The following KCTD16 variants were observed in gnomAD, a reference collection of about 807,000 sequenced individuals.
The protein encoded by KCTD16 is BTB/POZ domain-containing protein KCTD16.
In KCTD16, 13 loss-of-function variants were observed where a neutral mutation model predicts 33.2. The observed-to-expected ratio is 0.39, with a 90% CI of 0.25 to 0.62. The LOEUF (loss-of-function observed/expected upper bound fraction) is 0.62, where lower values mean the gene tolerates loss of function less well. Among genes scored for constraint, KCTD16 ranks in the 20% least tolerant of loss-of-function variants. The pLI, the probability that KCTD16 is intolerant of heterozygous loss-of-function variation, is 0.50. For synonymous variants in KCTD16, 197 were observed against 195.3 expected (o/e 1.01, Z -0.07); for missense variants, 441 against 525.1 (o/e 0.84, Z 1.57).
At chr5:144,275,461 GC>G (rs1346508534) in intron 3 of KCTD16, among the ~76,000 whole-genome samples, 1 of 152,106 alleles carries the variant, frequency 6.6e-6, no homozygotes, top group African/African-American at 2.4e-5. Context: ...ATGCTGCCTT[GC>G]CCTATTTACA....
At chr5:144,306,881 A>G (rs1426697115) in intron 3 of KCTD16, among the ~76,000 whole-genome samples, 1 of 152,224 alleles carries the variant, frequency 6.6e-6, no homozygotes, top group African/African-American at 2.4e-5. Flanking sequence ...CTGTGGGACA[A>G]CACGTTCAAG....
At chr5:144,469,368 G>A (rs564118212) in intron 3 of KCTD16, among the ~76,000 whole-genome samples, 3 of 152,122 alleles carry the variant, frequency 2.0e-5, no homozygotes, top group Non-Finnish European at 2.9e-5. Flanking sequence ...ATTTTCCTGA[G>A]GCATCCAGCT....
chr5:144,409,155 C>T (rs1752877726), intron 3 of KCTD16, among the ~76,000 whole-genome samples: 1 of 152,202 alleles, frequency 6.6e-6, no homozygotes, highest in Admixed American at 6.5e-5. Flanking sequence ...TGTTCTGTTT[C>T]ATCCTTTCCA....
intron 2 of KCTD16, among the ~76,000 whole-genome samples, chr5:144,193,867 A>G (rs748825474): frequency 5.3e-5 from 8 of 152,182 alleles, no homozygotes; most frequent in Non-Finnish European, 1.0e-4. Flanking sequence ...TTGGGTGCCA[A>G]TGGAAAGGGA....
intron 3 of KCTD16, among the ~76,000 whole-genome samples, chr5:144,313,390 C>T (rs774910291): frequency 2.0e-5 from 3 of 152,264 alleles, no homozygotes; most frequent in Middle Eastern, 3.4e-3. Flanking sequence ...TAGATGAGCA[C>T]TTTCACTGTG....
Position 144,304,771 on chromosome 5 carries a change from G to C in KCTD16, c.832+97225G>C, listed in dbSNP as rs537795032. ...TAGAGAAAAGGCAAGTGATTGATCT[G>C]TTTGTCCTGAAGGTAAGGAGGGACT... On this transcript the variant is annotated intron_variant, in intron 3 of 3. Transcript: ENST00000512467. Among the ~76,000 whole-genome samples, 15 of 152,214 alleles carry C rather than the reference G, an allele frequency of 9.9e-5. No individual in the cohort carries two copies. In the South Asian group the frequency reaches 3.1e-3, roughly 32 times the overall value.
chr5:144,454,496 G>C (rs1386465097), intron 3 of KCTD16, among the ~76,000 whole-genome samples: 1 of 150,584 alleles, frequency 6.6e-6, no homozygotes, highest in African/African-American at 2.5e-5. Flanking sequence ...ATTATAAATT[G>C]GCCACATTTC....
chr5:144,387,259 G>A (rs574406138), intron 3 of KCTD16, among the ~76,000 whole-genome samples: 1 of 149,960 alleles, frequency 6.7e-6, no homozygotes, highest in South Asian at 2.1e-4. Flanking sequence ...TTACAGGCAT[G>A]AGCCACTGTG....
At chr5:144,301,963 C>T (rs972007457) in intron 3 of KCTD16, among the ~76,000 whole-genome samples, 2 of 152,188 alleles carry the variant, frequency 1.3e-5, no homozygotes, top group Non-Finnish European at 2.9e-5. Flanking sequence ...GTGGCAGTCA[C>T]TCTTCTAAAT....
intron 3 of KCTD16, among the ~76,000 whole-genome samples, chr5:144,433,126 G>A (rs763249158): frequency 3.4e-4 from 52 of 152,098 alleles, no homozygotes; most frequent in African/African-American, 1.0e-3. Flanking sequence ...ATCACAAACC[G>A]AAATACCTAC....
intron 3 of KCTD16, among the ~76,000 whole-genome samples, chr5:144,347,955 G>T (rs965708295): frequency 4.6e-5 from 7 of 152,140 alleles, no homozygotes; most frequent in Non-Finnish European, 7.3e-5. Context: ...GCCTCCAGCC[G>T]CATTCTTTTA....
intron 3 of KCTD16, among the ~76,000 whole-genome samples, chr5:144,218,673 A>G (rs1753637781): frequency 6.6e-6 from 1 of 152,142 alleles, no homozygotes; most frequent in Non-Finnish European, 1.5e-5. Flanking sequence ...TTATATTTCT[A>G]GTCTCCTTTT....
intron 3 of KCTD16, among the ~76,000 whole-genome samples, chr5:144,431,891 A>C (rs1753472233): frequency 6.6e-6 from 1 of 152,192 alleles, no homozygotes; most frequent in African/African-American, 2.4e-5. Context: ...ATAATATAAA[A>C]AGTAATGGAA....
At position 144,215,248 on chromosome 5, in the gene KCTD16, G is replaced by C. The variant is rs1020424440; in HGVS notation, c.832+7702G>C. The stretch of plus-strand genomic sequence containing the variant: ...GACTCCTGTGGTCTCCTTTTAGTTG[G>C]TTCATCCAAGCAGGAGTAAATTGAA... On this transcript the variant is annotated intron_variant, in intron 3 of 3. Transcript: ENST00000512467. Among the ~76,000 whole-genome samples the C allele has an allele frequency of 1.5e-3, 221 of 152,166 alleles. 2 individuals carry two copies. The highest frequency in any genetic ancestry group is 4.9e-3 in the African/African-American group (203 of 41,508).
At chr5:144,287,331 C>T (rs1755771941) in intron 3 of KCTD16, among the ~76,000 whole-genome samples, 1 of 95,996 alleles carries the variant, frequency 1.0e-5, no homozygotes, top group Non-Finnish European at 2.7e-5. Context: ...GACACCAGTT[C>T]AAATGCTGCT....
intron 3 of KCTD16, among the ~76,000 whole-genome samples, chr5:144,350,755 C>G (rs977449170): frequency 6.7e-6 from 1 of 150,266 alleles, no homozygotes; most frequent in African/African-American, 2.5e-5. Flanking sequence ...TTCAGGTAAC[C>G]CTGCATTGGT....
At chr5:144,394,758 GA>G (rs1752528145) in intron 3 of KCTD16, among the ~76,000 whole-genome samples, 1 of 152,194 alleles carries the variant, frequency 6.6e-6, no homozygotes, top group Non-Finnish European at 1.5e-5. Flanking sequence ...ACCATGTGAA[GA>G]AGGTCTTTGC....
At chr5:144,378,286 C>T (rs1285232727) in intron 3 of KCTD16, among the ~76,000 whole-genome samples, 2 of 152,080 alleles carry the variant, frequency 1.3e-5, no homozygotes, top group East Asian at 1.9e-4. Context: ...ATTCCAGACA[C>T]AGAGATGAAA....
At chr5:144,334,950 T>A (rs577118590) in intron 3 of KCTD16, among the ~76,000 whole-genome samples, 1 of 152,160 alleles carries the variant, frequency 6.6e-6, no homozygotes, top group African/African-American at 2.4e-5. Context: ...CTAATTTTTT[T>A]TTTATTTTTT....
Sources: allele counts gnomAD v4.1 joint callset (sites outside exome capture counted in the v4.1 genomes callset), GRCh38; gene constraint gnomAD v4.1.1; transcripts MANE v1.5; gene names NCBI Gene and HGNC (gene_info 2026-07-23, HGNC 2026-07-21).